Variants in CDH2 observed in about 807,000 individuals in gnomAD.
CDH2 encodes the protein cadherin 2, also known as cadherin-2.
Under a neutral mutation model 92.0 loss-of-function variants are expected in CDH2, and 17 were observed. The ratio of observed to expected loss-of-function variants is 0.18; its 90% confidence interval spans 0.13 to 0.28. The LOEUF (loss-of-function observed/expected upper bound fraction) is 0.28, where lower values mean the gene tolerates loss of function less well. Ranked by LOEUF, CDH2 falls within the 10% of genes least tolerant of loss-of-function variation. The pLI is 1.00. For synonymous variants in CDH2, 419 were observed against 415.9 expected (o/e 1.01, Z -0.09); for missense variants, 862 against 1,133.1 (o/e 0.76, Z 3.44).
intron 2 of CDH2, among the ~76,000 whole-genome samples, chr18:28,108,037 G>A (rs187509654): frequency 3.9e-5 from 6 of 152,094 alleles, no homozygotes; most frequent in East Asian, 1.9e-4. Flanking sequence ...ATTATCTGGC[G>A]AACAGTTTCC....
At chr18:28,122,789 C>A (rs570765594) in intron 2 of CDH2, among the ~76,000 whole-genome samples, 1 of 152,230 alleles carries the variant, frequency 6.6e-6, no homozygotes, top group East Asian at 1.9e-4. Flanking sequence ...CGAATATAAA[C>A]ACTTATTGCC....
At chr18:28,134,224 T>A (rs988708137) in intron 2 of CDH2, among the ~76,000 whole-genome samples, 1 of 150,376 alleles carries the variant, frequency 6.6e-6, no homozygotes, top group African/African-American at 2.4e-5. Context: ...GAGCCAAGAC[T>A]GTGCCACTGC....
chr18:27,956,941 G>A (rs867379381), intron 15 of CDH2, among the ~76,000 whole-genome samples: 6 of 152,090 alleles, frequency 3.9e-5, no homozygotes, highest in Admixed American at 2.0e-4. Flanking sequence ...AGCATTCAGT[G>A]AACCAAGACT....
rs537082750 is a variant in CDH2 at position 28,158,650 on chromosome 18, G to A, written c.61-10866C>T. On this transcript the variant is annotated intron_variant, in intron 1 of 15. Transcript: ENST00000269141. Reference sequence around the variant, plus strand: ...GGAGTGGACTCCTAGGAGTTCCCACGACCCTCTCAGGGAATCTACAAAATC... The same window carrying A: ...GGAGTGGACTCCTAGGAGTTCCCACAACCCTCTCAGGGAATCTACAAAATC... Among the ~76,000 whole-genome samples the A allele has an allele frequency of 1.6e-4, 24 of 152,198 alleles. No homozygotes were observed. In the East Asian group the frequency reaches 3.7e-3, roughly 23 times the overall value.
At chr18:28,161,780 C>A (rs565204809) in intron 1 of CDH2, among the ~76,000 whole-genome samples, 1 of 152,166 alleles carries the variant, frequency 6.6e-6, no homozygotes, top group South Asian at 2.1e-4. Context: ...TAAACCTCAT[C>A]CTCTACTTCC....
intron 1 of CDH2, among the ~76,000 whole-genome samples, chr18:28,174,712 G>A (rs1342130233): frequency 6.6e-6 from 1 of 152,156 alleles, no homozygotes; most frequent in African/African-American, 2.4e-5. Flanking sequence ...AACAGAAAAT[G>A]AGAGTGCTCC....
chr18:28,128,212 T>C (rs1568008974), intron 2 of CDH2, among the ~76,000 whole-genome samples: 2 of 152,154 alleles, frequency 1.3e-5, no homozygotes, highest in Non-Finnish European at 2.9e-5. Context: ...GTGAAATAGG[T>C]CACATCAGAA....
Position 28,013,967 on chromosome 18 carries a change from A to C in CDH2, c.173-58T>G, listed in dbSNP as rs1443453. 201,798 of 1,165,456 alleles carry C rather than the reference A, an allele frequency of 0.17. 20,253 individuals carry two copies. Among genetic ancestry groups the C allele is most frequent in the Admixed American group, 0.3 (14,649 of 49,224 alleles). The allele number at this position is 1,165,456 out of a possible 1,614,324, so 72.2% of individuals were successfully genotyped here. On this transcript the variant is annotated intron_variant, in intron 2 of 15. Coordinates refer to ENST00000269141, the MANE Select transcript of CDH2 (RefSeq NM_001792.5). ...AATTATACCAAAAAGGCAAAAAAAAACCCCTAATACTTAAACCTATATCCT... is the reference window on the plus strand; with the variant it reads ...AATTATACCAAAAAGGCAAAAAAAACCCCCTAATACTTAAACCTATATCCT...
chr18:28,068,206 G>T (rs1166010054), intron 2 of CDH2, among the ~76,000 whole-genome samples: 2 of 152,204 alleles, frequency 1.3e-5, no homozygotes, highest in African/African-American at 4.8e-5. Flanking sequence ...AAAGAGCAAA[G>T]AGAAGATCCC....
chr18:27,952,548 T>TATC (rs1354824286), intron 15 of CDH2, among the ~76,000 whole-genome samples, 189 bp from the exon 16 acceptor site: 3 of 152,148 alleles, frequency 2.0e-5, no homozygotes, highest in African/African-American at 7.2e-5. Flanking sequence ...AATTAACTTA[T>TATC]ATCTTTCCGG....
intron 2 of CDH2, among the ~76,000 whole-genome samples, chr18:28,034,264 T>C (rs1246841146): frequency 1.3e-5 from 2 of 152,052 alleles, no homozygotes; most frequent in Non-Finnish European, 2.9e-5. Flanking sequence ...CGCTATAGTC[T>C]CAGATTTGAT....
chr18:28,105,998 T>A (rs949231134), intron 2 of CDH2, among the ~76,000 whole-genome samples: 1 of 152,244 alleles, frequency 6.6e-6, no homozygotes, highest in Non-Finnish European at 1.5e-5. Flanking sequence ...TTTAATATCC[T>A]CAAGATGTTA....
intron 2 of CDH2, among the ~76,000 whole-genome samples, chr18:28,026,437 C>T (rs560130779): frequency 1.1e-4 from 17 of 152,184 alleles, no homozygotes; most frequent in South Asian, 6.2e-4. Flanking sequence ...TGGTAGCAGA[C>T]GTGGGGAGTA....
chr18:28,108,316 CA>C (rs2015356056), intron 2 of CDH2, among the ~76,000 whole-genome samples: 1 of 152,144 alleles, frequency 6.6e-6, no homozygotes, highest in African/African-American at 2.4e-5. Context: ...CTATGAGAAA[CA>C]TTCTACAGAA....
rs552756617 is a variant in CDH2 at position 28,096,801 on chromosome 18, C to T, written c.172+50872G>A. On this transcript the variant is annotated intron_variant, in intron 2 of 15. Coordinates refer to ENST00000269141, the MANE Select transcript of CDH2 (RefSeq NM_001792.5). ...TGTAAAAAATGTGAAATGCCACGTG[C>T]ACTTTGTAAATAAGACTTAAATAGC... Among the ~76,000 whole-genome samples the T allele has an allele frequency of 2.2e-3, 332 of 152,318 alleles. 2 individuals carry two copies. The highest frequency in any genetic ancestry group is 7.0e-3 in the African/African-American group (289 of 41,564).
chr18:28,136,296 A>T (rs996528814), intron 2 of CDH2, among the ~76,000 whole-genome samples: 2 of 152,132 alleles, frequency 1.3e-5, no homozygotes, highest in African/African-American at 4.8e-5. Context: ...AGATGATAAC[A>T]TCAGCAGTTT....
At chr18:28,081,317 T>C (rs532956826) in intron 2 of CDH2, among the ~76,000 whole-genome samples, 25 of 152,316 alleles carry the variant, frequency 1.6e-4, no homozygotes, top group African/African-American at 5.1e-4. Flanking sequence ...GATCCCATCA[T>C]ATACACTGAA....
chr18:28,008,750 A>G (rs907054309), intron 5 of CDH2, among the ~76,000 whole-genome samples: 2 of 152,142 alleles, frequency 1.3e-5, no homozygotes, highest in African/African-American at 2.4e-5. Context: ...AATATAAAAA[A>G]AAAAAAGAAA....
chr18:28,155,952 A>G (rs1057012196), intron 1 of CDH2, among the ~76,000 whole-genome samples: 1 of 152,182 alleles, frequency 6.6e-6, no homozygotes, highest in African/African-American at 2.4e-5. Flanking sequence ...AAAATGCTTA[A>G]AACGTGCAGA....
Sources: allele counts gnomAD v4.1 joint callset (sites outside exome capture counted in the v4.1 genomes callset), GRCh38; gene constraint gnomAD v4.1.1; transcripts MANE v1.5; gene names NCBI Gene and HGNC (gene_info 2026-07-23, HGNC 2026-07-21).